GSE1: variants seen among roughly 807,000 people sequenced by gnomAD.
GSE1 encodes genetic suppressor element 1.
In GSE1, 32 loss-of-function variants were observed where a neutral mutation model predicts 112.6. The observed-to-expected ratio is 0.28, with a 90% CI of 0.21 to 0.38. GSE1 has a LOEUF of 0.38. Among genes scored for constraint, GSE1 ranks in the 10% least tolerant of loss-of-function variants. The pLI is 1.00. For synonymous variants in GSE1, 1,115 were observed against 735.6 expected (o/e 1.52, Z -8.35); for missense variants, 2,348 against 1,699.2 (o/e 1.38, Z -6.71).
chr16:85,426,188 TAG>T (rs2048982040), intron 2 of GSE1, among the ~76,000 whole-genome samples: 1 of 102,222 alleles, frequency 9.8e-6, no homozygotes, highest in Non-Finnish European at 2.1e-5. Flanking sequence ...GTATAGTGGA[TAG>T]ATGGATGGCT....
intron 15 of GSE1, 84 bp downstream of exon 15, chr16:85,671,182 G>A (rs567784794): frequency 1.3e-6 from 1 of 784,432 alleles, no homozygotes; most frequent in Non-Finnish European, 2.2e-6. Context: ...AAGTTTCAGA[G>A]AGGAAATGTG....
In GSE1 at chr16:85,292,272, A is replaced by T. The variant is rs538004854; in HGVS notation, c.2284-65191A>T. On this transcript the variant is annotated intron_variant, in intron 1 of 2. Coordinates refer to the GSE1 transcript ENST00000637419. ...TCATACCTCAGCCTCTCTAGTAGCG[A>T]GGACTACAGGTGCACGCCACCATGC... 2.1e-5 allele frequency among the ~76,000 whole-genome samples: 3 copies of T among 146,262 alleles called. No homozygotes were observed. The East Asian group carries it at 6.1e-4, about 30-fold the overall frequency.
At chr16:85,366,094 G>C (rs1474762552) in intron 2 of GSE1, among the ~76,000 whole-genome samples, 1 of 152,258 alleles carries the variant, frequency 6.6e-6, no homozygotes, top group African/African-American at 2.4e-5. Context: ...TGGGCTCCCA[G>C]CCGGGCTTGG....
intron 14 of GSE1, among the ~76,000 whole-genome samples, chr16:85,669,282 G>C (rs904424772): frequency 3.9e-5 from 6 of 152,266 alleles, no homozygotes; most frequent in Non-Finnish European, 7.3e-5. Flanking sequence ...ACCTGTAATT[G>C]ATTTAACATG....
intron 1 of GSE1, among the ~76,000 whole-genome samples, chr16:85,223,241 G>A (rs913051798): frequency 1.2e-4 from 18 of 152,320 alleles, no homozygotes; most frequent in African/African-American, 3.8e-4. Context: ...TGGTAAAATA[G>A]TCTGGGCACG....
At chr16:85,414,211 G>A (rs1365280927) in intron 2 of GSE1, among the ~76,000 whole-genome samples, 2 of 152,214 alleles carry the variant, frequency 1.3e-5, no homozygotes, top group Non-Finnish European at 2.9e-5. Flanking sequence ...ACACAGAGCA[G>A]GGAGGGGGCA....
chr16:85,554,100 TA>T (rs1306952150), upstream of GSE1, among the ~76,000 whole-genome samples: 1 of 144,022 alleles, frequency 6.9e-6, no homozygotes, highest in Non-Finnish European at 1.5e-5. Context: ...CCTCAGGAGG[TA>T]AAAGGGCTTG....
intron 2 of GSE1, among the ~76,000 whole-genome samples, chr16:85,459,159 G>A (rs2049909199): frequency 6.6e-6 from 1 of 152,172 alleles, no homozygotes; most frequent in South Asian, 2.1e-4. Context: ...GATGGCATCG[G>A]GGTGAAGTCA....
At chr16:85,513,636 C>T (rs2051820566) in intron 2 of GSE1, among the ~76,000 whole-genome samples, 1 of 152,148 alleles carries the variant, frequency 6.6e-6, no homozygotes, top group African/African-American at 2.4e-5. Flanking sequence ...TGCCTCCAGG[C>T]CTCACCCTCC....
Position 85,668,448 on chromosome 16 carries a change from G to T in GSE1, c.3415+24G>T, listed in dbSNP as rs770332974. On this transcript the variant is annotated intron_variant, in intron 14 of 15. Coordinates refer to ENST00000253458, the MANE Select transcript of GSE1 (RefSeq NM_014615.5). The stretch of plus-strand genomic sequence containing the variant: ...AGGTAAGGGGGTGCTGGGGAAGAGG[G>T]GGGAGGGGGTCAGGAAAGTACCTTT... The T allele has an allele frequency of 2.3e-5, 35 of 1,492,632 alleles. No individual in the cohort carries two copies. The East Asian group carries it at 4.8e-4, about 20-fold the overall frequency. 92.5% of individuals were successfully genotyped at this position (1,492,632 alleles called of 1,614,324 possible). A position where few individuals can be genotyped will look rare whatever the true frequency, so the allele number is the denominator to read the frequency against.
At chr16:85,494,227 G>T (rs1183701045) in intron 2 of GSE1, among the ~76,000 whole-genome samples, 1 of 152,224 alleles carries the variant, frequency 6.6e-6, no homozygotes, top group Non-Finnish European at 1.5e-5. Flanking sequence ...CCCTGTGCAG[G>T]CTCTAGGGGA....
At chr16:85,493,990 G>T (rs559639921) in intron 2 of GSE1, among the ~76,000 whole-genome samples, 8 of 152,286 alleles carry the variant, frequency 5.3e-5, no homozygotes, top group African/African-American at 1.7e-4. Flanking sequence ...AGGCTGAGGT[G>T]GGAGGATCGC....
chr16:85,340,101 T>TA (rs139695865), intron 1 of GSE1, among the ~76,000 whole-genome samples: 33,817 of 152,144 alleles, frequency 0.22, 3,865 homozygotes, highest in South Asian at 0.24. Flanking sequence ...AAACAGATGG[T>TA]ACAAATCGTT....
At chr16:85,371,224 G>A (rs1420955835) in intron 2 of GSE1, among the ~76,000 whole-genome samples, 6 of 152,236 alleles carry the variant, frequency 3.9e-5, no homozygotes. Flanking sequence ...CCAGGGGCTG[G>A]GCCAGGCAGT....
At chr16:85,631,017 G>T (rs780549500) in intron 1 of GSE1, among the ~76,000 whole-genome samples, 5 of 152,162 alleles carry the variant, frequency 3.3e-5, no homozygotes, top group Non-Finnish European at 5.9e-5. Flanking sequence ...CCCTGGGGGG[G>T]TGGTCTTTGC....
At chr16:85,211,158 T>G (rs1224252492) in intron 1 of GSE1, among the ~76,000 whole-genome samples, 1 of 152,194 alleles carries the variant, frequency 6.6e-6, no homozygotes, top group Non-Finnish European at 1.5e-5. Flanking sequence ...CCATTAGGTT[T>G]GGATCCCGAC....
chr16:85,567,034 G>GCCCCCACCCCCACCCCCA (rs557302207), intron 1 of GSE1, among the ~76,000 whole-genome samples: 1 of 146,612 alleles, frequency 6.8e-6, no homozygotes, highest in Non-Finnish European at 1.5e-5. Context: ...TGTTACTCCC[G>GCCCCCACCCCCACCCCCA]CCCCCACCCC....
intron 2 of GSE1, among the ~76,000 whole-genome samples, chr16:85,468,326 T>G (rs1228025801): frequency 2.0e-5 from 3 of 148,628 alleles, no homozygotes; most frequent in African/African-American, 7.4e-5. Context: ...TTTTTTTTTT[T>G]TTTTTTTTGA....
rs367999954 is a variant in GSE1 at position 85,675,903 on chromosome 16, T to TA, written c.*3370dup. On this transcript the variant is annotated 3_prime_UTR_variant, in exon 16 of 16. Coordinates refer to ENST00000253458, the MANE Select transcript of GSE1 (RefSeq NM_014615.5). The stretch of plus-strand genomic sequence containing the variant: ...CAACTTTTCCATCCAGTGCTTAACC[T>TA]AAAAAACTCCTTAACTCTGCCTTGA... The TA allele has an allele frequency of 3.2e-3, 496 of 152,654 alleles. 2 individuals are homozygous for TA. The highest frequency in any genetic ancestry group is 0.011 in the African/African-American group (473 of 41,570). The allele number at this position is 152,654 out of a possible 1,614,324, so 9.5% of individuals were successfully genotyped here.
Sources: allele counts gnomAD v4.1 joint callset (sites outside exome capture counted in the v4.1 genomes callset), GRCh38; gene constraint gnomAD v4.1.1; transcripts MANE v1.5; gene names NCBI Gene and HGNC (gene_info 2026-07-23, HGNC 2026-07-21).